The following EHHADH variants were observed in gnomAD, a reference collection of about 807,000 sequenced individuals.
EHHADH encodes the protein peroxisomal bifunctional enzyme.
A neutral mutation model predicts 64.4 loss-of-function variants in EHHADH; 48 were observed. The ratio of observed to expected loss-of-function variants is 0.75; its 90% CI spans 0.59 to 0.95. EHHADH has a LOEUF of 0.95. EHHADH is among the 40% of genes least tolerant of loss of function. EHHADH has a pLI of 0.00. For synonymous variants in EHHADH, 308 were observed against 326.7 expected, an observed-to-expected ratio of 0.94 and a Z score of 0.62; for missense variants, 854 against 876.6, an observed-to-expected ratio of 0.97 and a Z score of 0.33.
chr3:185,192,276 G>T lies in EHHADH; in HGVS notation c.2122C>A (p.Pro708Thr). The T allele has an allele frequency of 6.2e-7, 1 of 1,614,180 alleles. No homozygotes were observed. The highest frequency in any genetic ancestry group is 8.5e-7 in the Non-Finnish European group (1 of 1,180,026). The change falls in exon 7 of 7, where the codon CCC becomes ACC. Residue 708 changes from proline (P) to threonine (T), a missense_variant. Pro to Thr is a conservative substitution (Grantham distance 38). Coordinates refer to ENST00000231887, the MANE Select transcript of EHHADH (RefSeq NM_001966.4). ...LKKLASQGNPPLKEWQSLAGS... is the reference protein window; with the variant it reads ...LKKLASQGNPTLKEWQSLAGS... Reference sequence around the variant, plus strand: ...GCCAAGCTTTGCCATTCTTTCAGGGGAGGGTTTCCCTGAGAAGCCAGTTTT... The same window carrying T: ...GCCAAGCTTTGCCATTCTTTCAGGGTAGGGTTTCCCTGAGAAGCCAGTTTT...
At chr3:185,227,693 G>A (rs1431914475) in intron 4 of EHHADH, among the ~76,000 whole-genome samples, 5 of 152,012 alleles carry the variant, frequency 3.3e-5, no homozygotes, top group Non-Finnish European at 7.4e-5. Context: ...AGGTGTGGAG[G>A]TGCATGCCTG....
intron 1 of EHHADH, among the ~76,000 whole-genome samples, chr3:185,252,356 C>T (rs370613964): frequency 2.0e-5 from 3 of 151,446 alleles, no homozygotes; most frequent in South Asian, 2.1e-4. Flanking sequence ...GCTGAGATCA[C>T]GCCACTGCAC....
intron 5 of EHHADH, among the ~76,000 whole-genome samples, chr3:185,215,996 C>T (rs1179370165): frequency 6.6e-6 from 1 of 152,114 alleles, no homozygotes; most frequent in Non-Finnish European, 1.5e-5. Context: ...ACATAATTGT[C>T]TAAAGCCCTG....
Position 185,192,744 on chromosome 3 carries a change from T to C in EHHADH, c.1654A>G (p.Lys552Glu). The C allele has an allele frequency of 6.2e-7, 1 of 1,614,096 alleles. No homozygotes were observed. The highest frequency in any genetic ancestry group is 8.5e-7 in the Non-Finnish European group (1 of 1,180,024). ...PTLLPGTPAR[K>E]RGNRRYCPIP... ...GGGCAGTACCTCCTATTACCCCTTT[T>C]TCGGGCAGGAGTTCCTGGAAGCAAT... The change falls in exon 7 of 7, where the codon AAA (lysine) becomes GAA (glutamate). Residue 552 changes from lysine (K) to glutamate (E), a missense_variant. Lys to Glu is a moderately conservative substitution (Grantham distance 56). Coordinates refer to ENST00000231887, the MANE Select transcript of EHHADH (RefSeq NM_001966.4).
At chr3:185,242,964 C>T (rs1452101744) in intron 2 of EHHADH, among the ~76,000 whole-genome samples, 5 of 152,210 alleles carry the variant, frequency 3.3e-5, no homozygotes, top group Non-Finnish European at 7.3e-5. Flanking sequence ...CTCTGGCCAC[C>T]CTCTCGAAGG....
chr3:185,228,670 C>T (rs1719068148), intron 4 of EHHADH, among the ~76,000 whole-genome samples: 1 of 151,678 alleles, frequency 6.6e-6, no homozygotes, highest in South Asian at 2.1e-4. Flanking sequence ...AAGAGCGAAA[C>T]TCCGTCTCAA....
Position 185,200,980 on chromosome 3 carries a change from T to C in EHHADH, c.910+3436A>G, listed in dbSNP as rs532011439. Among the ~76,000 whole-genome samples the C allele has an allele frequency of 5.5e-4, 84 of 152,212 alleles. 2 individuals carry two copies. The South Asian group carries it at 0.017, about 32-fold the overall frequency. ...CCGAGAGTGGCTGAAATGATAACTC[T>C]TAAAATTAAAGCTGAATAGAGAAGA... On this transcript the variant is annotated intron_variant, in intron 6 of 6. Transcript: ENST00000231887.
chr3:185,250,519 A>G (rs951649544), intron 1 of EHHADH, among the ~76,000 whole-genome samples: 23 of 152,350 alleles, frequency 1.5e-4, no homozygotes, highest in African/African-American at 4.1e-4. Context: ...ACAGAACCAG[A>G]TTCCAATCAG....
At chr3:185,244,811 T>C (rs1020534510) in intron 2 of EHHADH, among the ~76,000 whole-genome samples, 1 of 152,216 alleles carries the variant, frequency 6.6e-6, no homozygotes, top group Non-Finnish European at 1.5e-5. Flanking sequence ...ACCCTGCTGA[T>C]ATCTTGATTA....
At chr3:185,233,864 T>C (rs1357615012) in intron 3 of EHHADH, among the ~76,000 whole-genome samples, 4 of 152,158 alleles carry the variant, frequency 2.6e-5, no homozygotes, top group African/African-American at 9.7e-5. Flanking sequence ...CAGGATGGTC[T>C]CGATCTCCTG....
intron 4 of EHHADH, among the ~76,000 whole-genome samples, chr3:185,228,257 A>AAAAAAAATATATATAT (rs1367786172): frequency 3.2e-4 from 7 of 22,006 alleles, no homozygotes; most frequent in East Asian, 7.8e-4. Context: ...AAAAAAAAAA[A>AAAAAAAATATATATAT]ATATATATAT....
chr3:185,213,949 G>C (rs929353401), intron 5 of EHHADH, among the ~76,000 whole-genome samples: 1 of 151,308 alleles, frequency 6.6e-6, no homozygotes, highest in African/African-American at 2.4e-5. Context: ...AGAAAAGATA[G>C]GCACAATACC....
intron 2 of EHHADH, among the ~76,000 whole-genome samples, chr3:185,237,987 T>C (rs1249790709): frequency 1.3e-5 from 2 of 152,294 alleles, no homozygotes; most frequent in Non-Finnish European, 2.9e-5. Flanking sequence ...CCCCCTTTTT[T>C]TCCCTGACAA....
chr3:185,211,507 G>C (rs530951262), intron 5 of EHHADH, among the ~76,000 whole-genome samples: 7 of 152,194 alleles, frequency 4.6e-5, no homozygotes, highest in Non-Finnish European at 1.0e-4. Flanking sequence ...AGGCTAAAGA[G>C]AGACTCAACA....
rs776874092 is a variant in EHHADH at position 185,235,451 on chromosome 3, G to A, written c.190C>T (p.Arg64Cys). Residue 64 changes from arginine to cysteine, a missense_variant, in exon 3 of 7, where the codon CGT becomes TGT. Coordinates refer to ENST00000231887, the MANE Select transcript of EHHADH (RefSeq NM_001966.4). ...EGKFSAGADIRGFSAPRTFGL... is the reference protein window; with the variant it reads ...EGKFSAGADICGFSAPRTFGL... ...AATGTCCTAGGAGCACTGAAGCCAC[G>A]AATATCAGCACCTAAGGGCACAAAG... is the stretch of plus-strand genomic sequence containing the variant. 6.7e-5 allele frequency: 107 copies of A among 1,608,846 alleles called. No individual in the cohort carries two copies. The highest frequency in any genetic ancestry group is 2.5e-4 in the Admixed American group (15 of 59,540).
Position 185,204,705 on chromosome 3 carries a change from G to C in EHHADH, c.621C>G (p.Pro207=), listed in dbSNP as rs139788883. 123 of 1,613,856 alleles carry C rather than the reference G, an allele frequency of 7.6e-5. No homozygotes were observed. The highest frequency in any genetic ancestry group is 2.7e-4 in the Admixed American group (16 of 59,994). Residue 207 remains proline, a synonymous_variant, in exon 6 of 7, where the codon CCC becomes CCG. Transcript: ENST00000231887. ...CCTCACTAAAAATGCTGTCCATGTT[G>C]GGCAAGCTCTGAATTGGCTTGTTGC... ...RLCNKPIQSL[P]NMDSIFSEAL... is the part of the protein sequence containing the mutation.
chr3:185,243,317 C>T (rs973064938), intron 2 of EHHADH, among the ~76,000 whole-genome samples: 7 of 152,136 alleles, frequency 4.6e-5, no homozygotes, highest in Admixed American at 1.3e-4. Context: ...CTAAAATTCA[C>T]GACATGAGCC....
Position 185,218,136 on chromosome 3 carries a change from C to A in EHHADH, c.568G>T (p.Asp190Tyr). 1 of 1,595,960 alleles carries A rather than the reference C, an allele frequency of 6.3e-7. No homozygotes were observed. Among genetic ancestry groups the A allele is most frequent in the South Asian group, 1.1e-5 (1 of 89,590 alleles). ...EAIRFAQRVS[D>Y]QPLESRRLCN... ...GCTATTTTTATTATTATCTTCTTAC[C>A]TGAAACTCTCTGAGCAAATCTGATT... The change falls in exon 5 of 7, where the codon GAT becomes TAT. Residue 190 changes from aspartate (D) to tyrosine (Y), a missense_variant and splice_region_variant. By Grantham distance (160) the Asp-to-Tyr change is radical. Transcript: ENST00000231887.
chr3:185,197,612 C>T (rs1292196398), intron 6 of EHHADH, among the ~76,000 whole-genome samples: 1 of 152,178 alleles, frequency 6.6e-6, no homozygotes, highest in Admixed American at 6.5e-5. Flanking sequence ...CATGTTGTAA[C>T]ATGTGTCAGA....
Sources: gnomAD v4.1 joint callset for allele counts (sites outside exome capture counted in the v4.1 genomes callset) on GRCh38, gnomAD v4.1.1 for gene constraint, MANE v1.5 for transcripts, NCBI Gene and HGNC (gene_info 2026-07-23, HGNC 2026-07-21) for gene names.